ATP13A5: variants seen among roughly 807,000 people sequenced by gnomAD.
ATP13A5 encodes ATPase 13A5, also known as probable cation-transporting ATPase 13A5.
A neutral mutation model predicts 150.2 loss-of-function variants in ATP13A5; 149 were observed. The observed-to-expected ratio is 0.99, with a 90% CI of 0.87 to 1.14. The LOEUF (loss-of-function observed/expected upper bound fraction) is 1.14. ATP13A5 is among the 50% of genes most tolerant of loss of function. The pLI is 0.00. For missense variants in ATP13A5, 1,383 were observed against 1,449.3 expected (o/e 0.95, Z 0.74); for synonymous variants, 497 against 522.2 (o/e 0.95, Z 0.66).
intron 5 of ATP13A5, among the ~76,000 whole-genome samples, chr3:193,358,635 G>C (rs1017973): frequency 0.95 from 145,308 of 152,318 alleles, 69,314 homozygotes; most frequent in Middle Eastern, 0.98. Flanking sequence ...TTGTCCTCAT[G>C]TGTGACCTGC....
intron 22 of ATP13A5, among the ~76,000 whole-genome samples, chr3:193,306,420 T>C (rs753575183): frequency 6.6e-6 from 1 of 152,134 alleles, no homozygotes; most frequent in Non-Finnish European, 1.5e-5. Context: ...AGGATACGTA[T>C]TCTAGATTTG....
chr3:193,300,813 C>G (rs776897139), intron 24 of ATP13A5, among the ~76,000 whole-genome samples: 2 of 152,138 alleles, frequency 1.3e-5, no homozygotes, highest in Non-Finnish European at 2.9e-5. Context: ...TCTAGTCCTT[C>G]AAAAGCAAAT....
intron 26 of ATP13A5, among the ~76,000 whole-genome samples, chr3:193,288,858 A>G (rs1717830222): frequency 6.6e-6 from 1 of 152,118 alleles, no homozygotes; most frequent in Non-Finnish European, 1.5e-5. Flanking sequence ...AGTATGGCAC[A>G]TCTAGTTAGT....
intron 5 of ATP13A5, among the ~76,000 whole-genome samples, chr3:193,357,973 TC>T (rs11323890): frequency 0.43 from 65,257 of 151,984 alleles, 14,869 homozygotes; most frequent in African/African-American, 0.6. Context: ...ATTCATTCAT[TC>T]ATTCATTCAA....
Position 193,305,418 on chromosome 3 carries a change from C to T in ATP13A5, c.2678+141G>A, listed in dbSNP as rs926358109. The stretch of plus-strand genomic sequence containing the variant: ...AGCACTCTTGAGTAACACTAATGGC[C>T]CCCTTCATTGGTTCTCCAATAGCAC... On this transcript the variant is annotated intron_variant, in intron 23 of 29. Coordinates refer to ENST00000342358, the MANE Select transcript of ATP13A5 (RefSeq NM_198505.4). The T allele has an allele frequency of 8.3e-6, 6 of 723,526 alleles. No individual in the cohort carries two copies. The African/African-American group carries it at 8.7e-5, about 11-fold the overall frequency. The allele number at this position is 723,526 out of a possible 1,614,324, so 44.8% of individuals were successfully genotyped here.
intron 27 of ATP13A5, chr3:193,281,087 A>G: frequency 5.0e-6 from 3 of 604,076 alleles, no homozygotes; most frequent in Non-Finnish European, 6.2e-6. Context: ...GGTATGAGGC[A>G]GACAGAAGAA....
rs1717887163 is a variant in ATP13A5 at position 193,290,047 on chromosome 3, T to A, written c.2861A>T (p.His954Leu). ...ATATGGAGCCAGCTTTGGGTAGGCA[T>A]GAGTTGAACTCACTGAAAGACAAAT... ...LMVCLTMSST[H>L]AYPKLAPYRP... Residue 954 changes from histidine to leucine, a missense_variant, in exon 26 of 30, where the codon CAT becomes CTT. His to Leu is a moderately conservative substitution (Grantham distance 99). Coordinates refer to ENST00000342358, the MANE Select transcript of ATP13A5 (RefSeq NM_198505.4). The A allele has an allele frequency of 1.2e-6, 2 of 1,601,994 alleles. No homozygotes were observed. The highest frequency in any genetic ancestry group is 1.7e-6 in the Non-Finnish European group (2 of 1,176,322).
At chr3:193,315,629 G>T (rs2108856356) in intron 17 of ATP13A5, among the ~76,000 whole-genome samples, 1 of 152,260 alleles carries the variant, frequency 6.6e-6, no homozygotes, top group Middle Eastern at 3.4e-3. Context: ...GTCCAACTGG[G>T]TTGCATTAGT....
Position 193,284,930 on chromosome 3 carries a change from T to C in ATP13A5, c.3210A>G (p.Lys1070=), listed in dbSNP as rs2108821153. 1 of 1,613,314 alleles carries C rather than the reference T, an allele frequency of 6.2e-7. No individual in the cohort carries two copies. The highest frequency in any genetic ancestry group is 1.1e-5 in the South Asian group (1 of 90,888). ...FIFSKGKPFR[K]PIYTNYIFSF... is the part of the protein sequence containing the mutation. The stretch of plus-strand genomic sequence containing the variant: ...TATACTTACAGTTTGTATAGATGGG[T>C]TTTCGAAATGGCTTTCCCTTAGAAA... The change falls in exon 27 of 30, where the codon AAA becomes AAG. Residue 1070 remains lysine, a synonymous_variant. Coordinates refer to ENST00000342358, the MANE Select transcript of ATP13A5 (RefSeq NM_198505.4).
intron 17 of ATP13A5, 64 bp downstream of exon 17, chr3:193,318,927 A>C (rs1388762581): frequency 8.8e-7 from 1 of 1,131,922 alleles, no homozygotes; most frequent in Non-Finnish European, 1.3e-6. Flanking sequence ...TCATCTGTTC[A>C]TCTCCAGGAC....
chr3:193,356,604 A>G (rs1488060640), intron 5 of ATP13A5, among the ~76,000 whole-genome samples: 1 of 152,182 alleles, frequency 6.6e-6, no homozygotes, highest in Non-Finnish European at 1.5e-5. Flanking sequence ...CCAGTAGCAT[A>G]TGAGAAAAAT....
At chr3:193,299,707 G>A (rs1021103569) in intron 24 of ATP13A5, among the ~76,000 whole-genome samples, 1 of 152,046 alleles carries the variant, frequency 6.6e-6, no homozygotes, top group African/African-American at 2.4e-5. Flanking sequence ...AATTCAGTCG[G>A]GTACATCTGC....
chr3:193,358,772 G>A (rs193029778), intron 5 of ATP13A5, among the ~76,000 whole-genome samples: 272 of 152,230 alleles, frequency 1.8e-3, no homozygotes, highest in Admixed American at 2.4e-3. Flanking sequence ...AGCTTTTCTG[G>A]GGAAAGGCCT....
chr3:193,358,538 C>T (rs1425894370), intron 5 of ATP13A5, among the ~76,000 whole-genome samples: 1 of 152,176 alleles, frequency 6.6e-6, no homozygotes, highest in African/African-American at 2.4e-5. Context: ...ACAGCTTGAA[C>T]CTGCTTGTGT....
At chr3:193,287,165 C>T (rs1299702773) in intron 26 of ATP13A5, among the ~76,000 whole-genome samples, 1 of 152,018 alleles carries the variant, frequency 6.6e-6, no homozygotes, top group Admixed American at 6.6e-5. Context: ...GAAGGTGTCT[C>T]CATATGTAAA....
intron 6 of ATP13A5, 118 bp downstream of exon 6, chr3:193,354,005 AAAAG>A: frequency 1.4e-6 from 1 of 739,356 alleles, no homozygotes; most frequent in Non-Finnish European, 2.1e-6. Flanking sequence ...AGCAGTAACA[AAAAG>A]AAGTCGCATG....
At chr3:193,314,738 T>C (rs940659437) in intron 18 of ATP13A5, among the ~76,000 whole-genome samples, 4 of 152,190 alleles carry the variant, frequency 2.6e-5, no homozygotes, top group Admixed American at 2.0e-4. Flanking sequence ...GCACAGATCC[T>C]GGCTGGGAGG....
intron 2 of ATP13A5, 67 bp from the exon 3 acceptor site, chr3:193,363,449 T>A: frequency 7.0e-7 from 1 of 1,437,482 alleles, no homozygotes; most frequent in East Asian, 2.3e-5. Context: ...ATCAACCAAA[T>A]ACCTACCAAG....
At chr3:193,337,609 T>C (rs1711933273) in intron 9 of ATP13A5, among the ~76,000 whole-genome samples, 1 of 152,230 alleles carries the variant, frequency 6.6e-6, no homozygotes, top group East Asian at 1.9e-4. Flanking sequence ...TTGGTACCAG[T>C]ACCACACTGT....
Sources: allele counts gnomAD v4.1 joint callset (sites outside exome capture counted in the v4.1 genomes callset), GRCh38; gene constraint gnomAD v4.1.1; transcripts MANE v1.5; gene names NCBI Gene and HGNC (gene_info 2026-07-23, HGNC 2026-07-21).